KDM6A: variants seen among roughly 807,000 people sequenced by gnomAD.
The protein encoded by KDM6A is lysine demethylase 6A.
KDM6A carries 11 observed loss-of-function variants against 117.6 expected under a neutral mutation model. The observed-to-expected ratio is 0.09, with a 90% CI of 0.06 to 0.15. The LOEUF (loss-of-function observed/expected upper bound fraction) is 0.15, where lower values mean the gene tolerates loss of function less well. KDM6A is among the 10% of genes least tolerant of loss of function. The probability of loss-of-function intolerance (pLI) is 1.00; values close to 1 mark genes in which losing one functional copy is unlikely to be tolerated. For missense variants in KDM6A, 799 were observed against 1,077.3 expected (o/e 0.74, Z 3.62); for synonymous variants, 384 against 396.1 (o/e 0.97, Z 0.36).
chrX:44,999,165 A>G (rs924197811), intron 4 of KDM6A, among the ~76,000 whole-genome samples: 4 of 112,097 alleles, frequency 3.6e-5, no homozygotes, highest in African/African-American at 1.3e-4. Context: ...TTAGCCGGCC[A>G]TTGTTATATG....
chrX:45,049,297 T>A (rs991829249), intron 8 of KDM6A, among the ~76,000 whole-genome samples: 4 of 112,079 alleles, frequency 3.6e-5, no homozygotes, highest in Non-Finnish European at 7.5e-5. Flanking sequence ...TGTGTTGGAT[T>A]ACTTATGTCC....
At chrX:44,926,335 A>C (rs2036302179) in intron 2 of KDM6A, among the ~76,000 whole-genome samples, 1 of 111,353 alleles carries the variant, frequency 9.0e-6, no homozygotes, top group Non-Finnish European at 1.9e-5. Context: ...GGCCTCCCGA[A>C]GTGCTGGGGT....
chrX:45,107,881 C>T (rs1382363578), intron 28 of KDM6A, among the ~76,000 whole-genome samples: 1 of 111,604 alleles, frequency 9.0e-6, no homozygotes, highest in Non-Finnish European at 1.9e-5. Context: ...CTAGGCAGAT[C>T]GATTATCAGT....
At chrX:45,053,363 C>T (rs185566476) in intron 9 of KDM6A, among the ~76,000 whole-genome samples, 2 of 110,913 alleles carry the variant, frequency 1.8e-5, no homozygotes, top group African/African-American at 3.3e-5. Context: ...ATCTGGGAGG[C>T]GGAGGTTGCA....
chrX:44,982,631 T>G (rs2039969131), intron 4 of KDM6A, among the ~76,000 whole-genome samples: 1 of 112,092 alleles, frequency 8.9e-6, no homozygotes, highest in Admixed American at 9.5e-5. Context: ...TAAAACAGTT[T>G]CACTAAAAAG....
At chrX:45,106,423 A>T in intron 27 of KDM6A, 1 of 239,895 alleles carries the variant, frequency 4.2e-6, no homozygotes, top group Non-Finnish European at 8.0e-6. Flanking sequence ...TGATTAAGCT[A>T]CTATATGCTA....
At chrX:44,895,737 A>T (rs371204173) in intron 2 of KDM6A, among the ~76,000 whole-genome samples, 4 of 108,325 alleles carry the variant, frequency 3.7e-5, no homozygotes, top group East Asian at 5.8e-4. Flanking sequence ...AATTTCTTTG[A>T]TCCATGGAGT....
At chrX:44,886,786 C>T (rs2032929809) in intron 2 of KDM6A, among the ~76,000 whole-genome samples, 2 of 110,429 alleles carry the variant, frequency 1.8e-5, no homozygotes, top group Admixed American at 9.8e-5. Flanking sequence ...ACACCGCGCC[C>T]GGCCTACTTA....
At position 45,078,453 on chromosome X, in the gene KDM6A, T is replaced by C. The variant is rs1569537317; in HGVS notation, c.3042T>C (p.Asn1014=). The part of the protein sequence containing the change: ...FFPPLHQFCT[N]PNNPVTVIRG... ...CTCCATTACATCAATTTTGTACAAA[T>C]CCGAACAACCCTGTTACAGTAATAC... Residue 1014 remains asparagine (N), a synonymous_variant, in exon 20 of 30, where the codon AAT becomes AAC. Transcript: ENST00000611820. 2 of 1,210,230 alleles carry C rather than the reference T, an allele frequency of 1.7e-6. No homozygotes were observed. The highest frequency in any genetic ancestry group is 2.2e-6 in the Non-Finnish European group (2 of 894,848).
chrX:44,973,034 CA>C (rs56660954), intron 3 of KDM6A, among the ~76,000 whole-genome samples: 33 of 98,208 alleles, frequency 3.4e-4, no homozygotes, highest in Admixed American at 3.3e-4. Flanking sequence ...GACCCCATCT[CA>C]AAAAAAAAAA....
intron 4 of KDM6A, among the ~76,000 whole-genome samples, chrX:44,997,222 C>T (rs995639317): frequency 8.9e-6 from 1 of 112,349 alleles, no homozygotes; most frequent in East Asian, 2.8e-4. Flanking sequence ...CCTTGGTGTA[C>T]TGGAAGAATC....
chrX:45,017,561 C>CGATGG (rs1464885696), intron 5 of KDM6A, among the ~76,000 whole-genome samples: 4 of 111,036 alleles, frequency 3.6e-5, no homozygotes, highest in African/African-American at 1.3e-4. Context: ...ATGGATAAAC[C>CGATGG]TGAAGACGCA....
At chrX:44,940,890 C>T (rs1184364819) in intron 2 of KDM6A, among the ~76,000 whole-genome samples, 6 of 111,089 alleles carry the variant, frequency 5.4e-5, no homozygotes, top group Admixed American at 1.9e-4. Context: ...GCAAAATTAG[C>T]CAGGCATGGT....
chrX:45,088,601 A>G (rs1330323527), intron 25 of KDM6A, among the ~76,000 whole-genome samples: 1 of 113,702 alleles, frequency 8.8e-6, no homozygotes, highest in African/African-American at 3.2e-5. Context: ...ATTGTAAAGT[A>G]TACTTTATCA....
intron 10 of KDM6A, among the ~76,000 whole-genome samples, chrX:45,055,964 T>G (rs985231166): frequency 9.0e-6 from 1 of 111,504 alleles, no homozygotes; most frequent in Non-Finnish European, 1.9e-5. Context: ...AATTTTCAGC[T>G]TCGATGAGCA....
intron 2 of KDM6A, among the ~76,000 whole-genome samples, chrX:44,875,563 GTTT>G (rs535198904): frequency 1.0e-5 from 1 of 96,598 alleles, no homozygotes; most frequent in Non-Finnish European, 2.1e-5. Context: ...CTGCCTTAAA[GTTT>G]TTTTTTTTTT....
At chrX:45,040,647 G>T (rs1272113400) in intron 8 of KDM6A, among the ~76,000 whole-genome samples, 1 of 88,091 alleles carries the variant, frequency 1.1e-5, no homozygotes, top group Non-Finnish European at 2.2e-5. Context: ...TTCCCTCCCG[G>T]ACGGGGCGGC....
At chrX:44,897,489 G>A (rs1009631003) in intron 2 of KDM6A, among the ~76,000 whole-genome samples, 1 of 110,555 alleles carries the variant, frequency 9.0e-6, no homozygotes, top group Non-Finnish European at 1.9e-5. Flanking sequence ...ATACTTTCCT[G>A]GTTTCTGGTA....
chrX:44,978,143 G>T (rs759373132), intron 4 of KDM6A, among the ~76,000 whole-genome samples: 1 of 112,092 alleles, frequency 8.9e-6, no homozygotes, highest in South Asian at 3.6e-4. Flanking sequence ...CCAGGTGTTA[G>T]AGAAATTCAC....
Sources: allele counts gnomAD v4.1 joint callset (sites outside exome capture counted in the v4.1 genomes callset), GRCh38; gene constraint gnomAD v4.1.1; transcripts MANE v1.5; gene names NCBI Gene and HGNC (gene_info 2026-07-23, HGNC 2026-07-21).